The following TIAM2 variants were observed in gnomAD, a reference collection of about 807,000 sequenced individuals.
TIAM2 encodes the protein TIAM Rac1 associated GEF 2, also known as rho guanine nucleotide exchange factor TIAM2.
Under a neutral mutation model 152.9 loss-of-function variants are expected in TIAM2, and 80 were observed. That is an observed-to-expected ratio of 0.52 (90% CI 0.44 to 0.63). The LOEUF is 0.63. TIAM2 is among the 30% of genes least tolerant of loss of function. The pLI is 0.00. For missense variants in TIAM2, 1,965 were observed against 2,120.1 expected (o/e 0.93, Z 1.44); for synonymous variants, 804 against 838.0 (o/e 0.96, Z 0.70).
intron 24 of TIAM2, chr6:155,253,752 G>A (rs749350883): frequency 2.0e-6 from 1 of 489,386 alleles, no homozygotes; most frequent in South Asian, 3.2e-5. Flanking sequence ...AGGCAGTTCA[G>A]ATGGAGGAAA....
At chr6:155,144,966 C>T (rs1779789879) in intron 6 of TIAM2, among the ~76,000 whole-genome samples, 188 bp downstream of exon 6, 1 of 152,198 alleles carries the variant, frequency 6.6e-6, no homozygotes. Context: ...TCCAGTCATT[C>T]ATCCAGAGGG....
At chr6:155,231,425 C>A (rs1270059001) in intron 15 of TIAM2, among the ~76,000 whole-genome samples, 2 of 152,208 alleles carry the variant, frequency 1.3e-5, no homozygotes, top group African/African-American at 4.8e-5. Flanking sequence ...TACAATTTCC[C>A]TGGAGTATTT....
At position 155,179,432 on chromosome 6, in the gene TIAM2, A is replaced by C; in HGVS notation, c.2683A>C (p.Lys895Gln). 6.2e-7 allele frequency: 1 copy of C among 1,613,564 alleles called. No individual in the cohort carries two copies. Among genetic ancestry groups the C allele is most frequent in the South Asian group, 1.1e-5 (1 of 90,834 alleles). The change falls in exon 12 of 27, where the codon AAG (lysine) becomes CAG (glutamine). Residue 895 changes from lysine to glutamine, a missense_variant. Around this residue, in one of 3 missense-constraint regions of TIAM2, gnomAD observed 1,025 missense variants for 1,119.4 expected, o/e 0.92. Coordinates refer to ENST00000682666, the MANE Select transcript of TIAM2 (RefSeq NM_012454.4). ...AAATGTTTATGACGTGCAGCTCACG[A>C]AGACTGGGAGTGTGTGTGACTTTGG... is the stretch of plus-strand genomic sequence containing the variant. ...PLNVYDVQLTKTGSVCDFGFA... is the reference protein window; with the variant it reads ...PLNVYDVQLTQTGSVCDFGFA...
chr6:155,249,699 G>A (rs1365405221), intron 20 of TIAM2, 152 bp from the exon 21 acceptor site: 1 of 547,592 alleles, frequency 1.8e-6, no homozygotes, highest in Non-Finnish European at 3.2e-6. Flanking sequence ...GGGCTACAGT[G>A]GGCTGTTGTG....
intron 15 of TIAM2, among the ~76,000 whole-genome samples, chr6:155,227,049 C>A (rs552788775): frequency 6.6e-6 from 1 of 152,324 alleles, no homozygotes; most frequent in South Asian, 2.1e-4. Context: ...GATTTTCCCT[C>A]CTGCTCTACT....
intron 2 of TIAM2, among the ~76,000 whole-genome samples, chr6:155,091,926 C>T (rs143365140): frequency 1.1e-4 from 16 of 152,306 alleles, no homozygotes; most frequent in African/African-American, 2.6e-4. Flanking sequence ...GAGACAGCGA[C>T]GCGCTCTGTT....
At chr6:155,103,449 C>T (rs548077153) in intron 2 of TIAM2, among the ~76,000 whole-genome samples, 4 of 151,754 alleles carry the variant, frequency 2.6e-5, no homozygotes, top group South Asian at 2.1e-4. Flanking sequence ...AGTGGCCGGG[C>T]GCGGTAGCTC....
chr6:155,077,169 AG>A (rs1472369121), intron 1 of TIAM2, among the ~76,000 whole-genome samples: 3 of 151,556 alleles, frequency 2.0e-5, no homozygotes, highest in Non-Finnish European at 4.4e-5. Flanking sequence ...TATTCTTTTT[AG>A]TGATAAGTAA....
chr6:155,162,139 G>A (rs1187898640), intron 7 of TIAM2, among the ~76,000 whole-genome samples: 1 of 151,554 alleles, frequency 6.6e-6, no homozygotes, highest in Non-Finnish European at 1.5e-5. Context: ...TGTATTTTTT[G>A]TAGAGACAGG....
At chr6:155,059,308 G>GTGTC (rs1168540642) in intron 1 of TIAM2, among the ~76,000 whole-genome samples, 3 of 148,002 alleles carry the variant, frequency 2.0e-5, no homozygotes, top group Admixed American at 2.0e-4. Flanking sequence ...GTGTGTGTGT[G>GTGTC]TGTGTGTGTG....
intron 7 of TIAM2, among the ~76,000 whole-genome samples, chr6:155,151,071 G>C (rs1779946044): frequency 6.6e-6 from 1 of 152,176 alleles, no homozygotes; most frequent in African/African-American, 2.4e-5. Flanking sequence ...AAGTCCTCAG[G>C]CATCTGGGAA....
chr6:155,025,810 C>T (rs558360377), intron 1 of TIAM2, among the ~76,000 whole-genome samples: 1 of 144,406 alleles, frequency 6.9e-6, no homozygotes, highest in South Asian at 2.2e-4. Context: ...CATGTGAGCA[C>T]CTCCCCCTCA....
At chr6:155,079,809 G>A (rs373443588) in intron 1 of TIAM2, among the ~76,000 whole-genome samples, 3 of 152,260 alleles carry the variant, frequency 2.0e-5, no homozygotes, top group Admixed American at 6.5e-5. Flanking sequence ...TCAGCTGGGC[G>A]TGATGGTGCA....
intron 14 of TIAM2, among the ~76,000 whole-genome samples, chr6:155,203,494 A>T (rs547375849): frequency 1.3e-5 from 2 of 152,198 alleles, no homozygotes; most frequent in Non-Finnish European, 2.9e-5. Flanking sequence ...TTTTTTCTGG[A>T]TGTCAGTAGA....
In TIAM2 at chr6:155,183,222, C is replaced by A; in HGVS notation, c.2801-15C>A. 6.3e-7 allele frequency: 1 copy of A among 1,599,982 alleles called. No individual in the cohort carries two copies. The highest frequency in any genetic ancestry group is 8.5e-7 in the Non-Finnish European group (1 of 1,173,546). On this transcript the variant is annotated splice_polypyrimidine_tract_variant and intron_variant, in intron 13 of 26. Transcript: ENST00000682666. Reference sequence around the variant, plus strand: ...TCCCTCTCTCTTTTTTCTGTTTCTCCTTCCTTTTTCTCAGGGCTGAGAAAG... The same window carrying A: ...TCCCTCTCTCTTTTTTCTGTTTCTCATTCCTTTTTCTCAGGGCTGAGAAAG...
At chr6:155,004,989 A>C (rs895890761) in intron 1 of TIAM2, 5 of 434,824 alleles carry the variant, frequency 1.1e-5, no homozygotes, top group African/African-American at 1.0e-4. Context: ...ACTTACCTTA[A>C]GCCATTTGCC....
chr6:155,241,676 G>A (rs1027348264), intron 16 of TIAM2, among the ~76,000 whole-genome samples: 2 of 152,174 alleles, frequency 1.3e-5, no homozygotes, highest in African/African-American at 4.8e-5. Context: ...GCTTCCCAAA[G>A]CCCCTTCTTT....
rs147617144 is a variant in TIAM2 at position 155,220,618 on chromosome 6, G to A, written c.3168+9311G>A. Among the ~76,000 whole-genome samples, 32 of 152,136 alleles carry A rather than the reference G, an allele frequency of 2.1e-4. No homozygotes were observed. In the East Asian group the frequency reaches 5.8e-3, roughly 28 times the overall value. Reference sequence around the variant, plus strand: ...GTCTTTGGATCACTGAGGCACTTTCGTCAGCACAACTGGCTTCCCAGCCTC... The same window carrying A: ...GTCTTTGGATCACTGAGGCACTTTCATCAGCACAACTGGCTTCCCAGCCTC... On this transcript the variant is annotated intron_variant, in intron 15 of 26. Transcript: ENST00000682666.
chr6:155,146,103 T>A (rs1301257636), intron 6 of TIAM2, among the ~76,000 whole-genome samples: 2 of 152,174 alleles, frequency 1.3e-5, no homozygotes, highest in Non-Finnish European at 2.9e-5. Flanking sequence ...TCCTTAGTTT[T>A]GAGAGTTTTC....
Sources: gnomAD v4.1 joint callset for allele counts (sites outside exome capture counted in the v4.1 genomes callset) on GRCh38, gnomAD v4.1.1 for gene constraint, gnomAD v4.1.1 regional missense constraint, MANE v1.5 for transcripts, NCBI Gene and HGNC (gene_info 2026-07-23, HGNC 2026-07-21) for gene names.